The following DPYD variants were observed in gnomAD, a reference collection of about 807,000 sequenced individuals.
DPYD encodes dihydropyrimidine dehydrogenase [NADP(+)].
DPYD carries 109 observed loss-of-function variants against 116.2 expected under a neutral mutation model. The observed-to-expected ratio is 0.94, with a 90% CI of 0.80 to 1.10. DPYD has a LOEUF of 1.10. Among genes scored for constraint, DPYD ranks in the 50% least tolerant of loss-of-function variants. DPYD has a pLI of 0.00. For missense variants in DPYD, 1,302 were observed against 1,254.5 expected (o/e 1.04, Z -0.57); for synonymous variants, 440 against 432.0 (o/e 1.02, Z -0.23).
chr1:97,379,409 C>A (rs577654321), intron 15 of DPYD, among the ~76,000 whole-genome samples: 5 of 152,168 alleles, frequency 3.3e-5, no homozygotes, highest in Non-Finnish European at 5.9e-5. Flanking sequence ...CATTTTGGAC[C>A]ACAGCCAATT....
rs1179607469 is a variant in DPYD at position 97,618,538 on chromosome 1, G to C, written c.851-23372C>G. Reference sequence around the variant, plus strand: ...TTACAGGCATGTGCCACCATGCCCGGTTAATTTTTTTGTATACTCTGTCAA... The same window carrying C: ...TTACAGGCATGTGCCACCATGCCCGCTTAATTTTTTTGTATACTCTGTCAA... On this transcript the variant is annotated intron_variant, in intron 8 of 22. Transcript: ENST00000370192. Among the ~76,000 whole-genome samples the C allele has an allele frequency of 2.0e-5, 3 of 151,824 alleles. No individual in the cohort carries two copies. The East Asian group carries it at 5.8e-4, about 29-fold the overall frequency.
chr1:97,491,220 G>C (rs1678958256), intron 13 of DPYD, among the ~76,000 whole-genome samples: 1 of 146,982 alleles, frequency 6.8e-6, no homozygotes, highest in South Asian at 2.1e-4. Context: ...TTATATATTT[G>C]TATATTATAT....
chr1:97,097,819 G>C (rs768754003), intron 21 of DPYD, among the ~76,000 whole-genome samples: 1 of 152,090 alleles, frequency 6.6e-6, no homozygotes, highest in African/African-American at 2.4e-5. Flanking sequence ...TATGCTGGTT[G>C]TGTTATCATA....
At chr1:97,653,170 A>G (rs1258797121) in intron 8 of DPYD, among the ~76,000 whole-genome samples, 3 of 152,184 alleles carry the variant, frequency 2.0e-5, no homozygotes, top group Non-Finnish European at 4.4e-5. Context: ...GTATGCCTAA[A>G]TTCTTTACCG....
intron 8 of DPYD, among the ~76,000 whole-genome samples, chr1:97,646,427 G>A (rs1571121458): frequency 1.3e-5 from 2 of 149,836 alleles, no homozygotes; most frequent in Non-Finnish European, 3.0e-5. Context: ...TAGTGATTAT[G>A]TTGTTTGAAC....
intron 16 of DPYD, among the ~76,000 whole-genome samples, chr1:97,355,699 C>T (rs1322094432): frequency 6.6e-6 from 1 of 152,108 alleles, no homozygotes; most frequent in Non-Finnish European, 1.5e-5. Flanking sequence ...TCTAGGCCTG[C>T]CTTCCTTCAC....
intron 20 of DPYD, among the ~76,000 whole-genome samples, chr1:97,115,775 T>C (rs1224031343): frequency 6.6e-6 from 1 of 152,144 alleles, no homozygotes; most frequent in African/African-American, 2.4e-5. Flanking sequence ...GAATGGTAGA[T>C]ATCAAAGAAA....
intron 6 of DPYD, 83 bp downstream of exon 6, chr1:97,699,268 T>C: frequency 2.2e-6 from 3 of 1,370,182 alleles, no homozygotes; most frequent in South Asian, 1.2e-5. Context: ...GAAGTTCCTA[T>C]ATGATTATGA....
chr1:97,672,992 C>G (rs927568284), intron 8 of DPYD, among the ~76,000 whole-genome samples: 2 of 152,058 alleles, frequency 1.3e-5, no homozygotes, highest in East Asian at 3.9e-4. Context: ...AAGACTAATT[C>G]TTCTTGAGTA....
intron 3 of DPYD, among the ~76,000 whole-genome samples, chr1:97,790,421 C>T (rs1313522399): frequency 3.3e-5 from 5 of 152,144 alleles, no homozygotes; most frequent in Non-Finnish European, 1.5e-5. Context: ...GGATTCTACA[C>T]CAGACGACCC....
At chr1:97,903,518 C>G (rs1673465330) in intron 1 of DPYD, among the ~76,000 whole-genome samples, 1 of 151,768 alleles carries the variant, frequency 6.6e-6, no homozygotes, top group Non-Finnish European at 1.5e-5. Flanking sequence ...TCTAGCAAAT[C>G]AATATCTAAC....
In DPYD at chr1:97,316,513, CAATAAAATAAAATAA is replaced by C. The variant is rs57832711; in HGVS notation, c.2059-10231_2059-10217del. On this transcript the variant is annotated intron_variant, in intron 16 of 22. Transcript: ENST00000370192. ...TGGGAGACAGAGCAAGACTCTGTCT[CAATAAAATAAAATAA>C]AATAAAATAAAATAAAATAAAATAA... Among the ~76,000 whole-genome samples, 387 of 124,318 alleles carry C rather than the reference CAATAAAATAAAATAA, an allele frequency of 3.1e-3. 5 individuals are homozygous for C. The highest frequency in any genetic ancestry group is 0.012 in the Middle Eastern group (3 of 252). The allele number at this position is 124,318 out of a possible 152,430, so 81.6% of individuals were successfully genotyped here.
intron 19 of DPYD, among the ~76,000 whole-genome samples, chr1:97,200,080 C>T (rs1280662414): frequency 1.3e-5 from 2 of 152,158 alleles, no homozygotes; most frequent in Non-Finnish European, 2.9e-5. Context: ...CAGGAACACC[C>T]TGAGACTGGC....
intron 1 of DPYD, among the ~76,000 whole-genome samples, chr1:97,914,474 T>G (rs767823391): frequency 5.3e-5 from 8 of 152,152 alleles, no homozygotes; most frequent in Non-Finnish European, 8.8e-5. Flanking sequence ...TACATTTCTA[T>G]GAGAATGCCA....
At chr1:97,120,689 T>C (rs1304535621) in intron 20 of DPYD, among the ~76,000 whole-genome samples, 1 of 152,184 alleles carries the variant, frequency 6.6e-6, no homozygotes, top group Non-Finnish European at 1.5e-5. Context: ...CCCAACCACG[T>C]TTTTAGTAGT....
At chr1:97,128,319 G>A (rs1653007151) in intron 20 of DPYD, among the ~76,000 whole-genome samples, 1 of 152,072 alleles carries the variant, frequency 6.6e-6, no homozygotes, top group Non-Finnish European at 1.5e-5. Flanking sequence ...TTTCAATAAA[G>A]TATAGCCATT....
At position 97,569,518 on chromosome 1, in the gene DPYD, T is replaced by C. The variant is rs577844943; in HGVS notation, c.1339+4242A>G. Among the ~76,000 whole-genome samples the C allele has an allele frequency of 1.3e-5, 2 of 151,028 alleles. 1 individual carries two copies. The highest frequency in any genetic ancestry group is 4.2e-4 in the South Asian group (2 of 4,802). ...TAAACGTTTAGAACTTTCCAGTGAATGGACAATATTTGTAAAGCAGAAATG... is the reference window on the plus strand; with the variant it reads ...TAAACGTTTAGAACTTTCCAGTGAACGGACAATATTTGTAAAGCAGAAATG... On this transcript the variant is annotated intron_variant, in intron 11 of 22. Transcript: ENST00000370192.
At chr1:97,079,230 C>T in intron 22 of DPYD, 84 bp from the exon 23 acceptor site, 1 of 1,463,438 alleles carries the variant, frequency 6.8e-7, no homozygotes, top group South Asian at 1.1e-5. Flanking sequence ...TTTTTCTCTG[C>T]TGCAGAGGAG....
chr1:97,753,172 C>A (rs1026743662), intron 3 of DPYD, among the ~76,000 whole-genome samples: 1 of 151,964 alleles, frequency 6.6e-6, no homozygotes, highest in African/African-American at 2.4e-5. Flanking sequence ...AATATTAACT[C>A]CTATGTTTAT....
Sources: allele counts gnomAD v4.1 joint callset (sites outside exome capture counted in the v4.1 genomes callset), GRCh38; gene constraint gnomAD v4.1.1; transcripts MANE v1.5; gene names NCBI Gene and HGNC (gene_info 2026-07-23, HGNC 2026-07-21).